The following RAB1A variants were observed in gnomAD, a reference collection of about 807,000 sequenced individuals.
The protein encoded by RAB1A is RAB1A, member RAS oncogene family, also known as ras-related protein Rab-1A.
Under a neutral mutation model 26.0 loss-of-function variants are expected in RAB1A, and 2 were observed. That is an observed-to-expected ratio of 0.08 (90% CI 0.03 to 0.24). RAB1A has a LOEUF of 0.24. RAB1A is among the 10% of genes least tolerant of loss of function. The pLI, the probability that RAB1A is intolerant of heterozygous loss-of-function variation, is 1.00. For missense variants in RAB1A, 100 were observed against 247.0 expected, an observed-to-expected ratio of 0.40 and a Z score of 3.99; for synonymous variants, 84 against 84.9, an observed-to-expected ratio of 0.99 and a Z score of 0.06.
intron 1 of RAB1A, among the ~76,000 whole-genome samples, chr2:65,110,884 T>C (rs1669679328): frequency 6.6e-6 from 1 of 151,890 alleles, no homozygotes; most frequent in Non-Finnish European, 1.5e-5. Flanking sequence ...TGCAGTGAGC[T>C]ATGAACTCAC....
intron 1 of RAB1A, 86 bp from the exon 2 acceptor site, chr2:65,104,892 A>C (rs1364839009): frequency 9.1e-7 from 1 of 1,096,856 alleles, no homozygotes; most frequent in South Asian, 1.2e-5. Context: ...AGCTACAAAT[A>C]ACAACTCACT....
At chr2:65,112,288 C>A (rs2103862684) in intron 1 of RAB1A, among the ~76,000 whole-genome samples, 1 of 151,636 alleles carries the variant, frequency 6.6e-6, no homozygotes, top group East Asian at 2.0e-4. Context: ...GCTGGGATTA[C>A]AGGTGTGTGC....
At chr2:65,098,312 T>G (rs772596994) in intron 2 of RAB1A, among the ~76,000 whole-genome samples, 5 of 152,174 alleles carry the variant, frequency 3.3e-5, no homozygotes, top group Admixed American at 6.5e-5. Context: ...TTCCTTAAGA[T>G]CTCTACAATA....
intron 1 of RAB1A, among the ~76,000 whole-genome samples, chr2:65,110,592 G>C (rs1304914353): frequency 6.6e-6 from 1 of 152,108 alleles, no homozygotes; most frequent in Non-Finnish European, 1.5e-5. Flanking sequence ...AATAACACAT[G>C]CTGAAGAAAT....
chr2:65,098,300 C>G (rs1015863359), intron 2 of RAB1A, among the ~76,000 whole-genome samples: 1 of 152,164 alleles, frequency 6.6e-6, no homozygotes, highest in Non-Finnish European at 1.5e-5. Flanking sequence ...ACTGTAGTTT[C>G]TTTCCTTAAG....
intron 3 of RAB1A, among the ~76,000 whole-genome samples, chr2:65,095,463 C>T (rs1394431442): frequency 6.6e-6 from 1 of 151,978 alleles, no homozygotes; most frequent in East Asian, 1.9e-4. Context: ...ATTCCTCCCA[C>T]CTCAGTCTCC....
At chr2:65,113,471 C>T (rs1669750608) in intron 1 of RAB1A, among the ~76,000 whole-genome samples, 1 of 152,114 alleles carries the variant, frequency 6.6e-6, no homozygotes. Context: ...AGAACCATTG[C>T]ACTCACTCTA....
chr2:65,108,844 T>C (rs1316172617), intron 1 of RAB1A, among the ~76,000 whole-genome samples: 2 of 152,208 alleles, frequency 1.3e-5, no homozygotes, highest in East Asian at 3.8e-4. Context: ...GAGTTTCTAA[T>C]AATTTAAGGC....
intron 1 of RAB1A, among the ~76,000 whole-genome samples, chr2:65,105,157 C>T (rs895492501): frequency 1.3e-5 from 2 of 152,158 alleles, no homozygotes; most frequent in Non-Finnish European, 2.9e-5. Flanking sequence ...TATTAGAATA[C>T]AGAAAGGTAA....
At chr2:65,114,864 CA>C (rs35748219) in intron 1 of RAB1A, among the ~76,000 whole-genome samples, 97,475 of 146,680 alleles carry the variant, frequency 0.66, 32,596 homozygotes, top group East Asian at 0.89. Context: ...AAAAAAAAAA[CA>C]AAAAAAAAAC....
intron 4 of RAB1A, among the ~76,000 whole-genome samples, chr2:65,089,702 A>AT (rs58993413): frequency 6.3e-4 from 89 of 141,990 alleles, no homozygotes; most frequent in African/African-American, 1.8e-3. Context: ...AATTTGATTA[A>AT]TTTTTTTTTT....
intron 1 of RAB1A, among the ~76,000 whole-genome samples, chr2:65,110,428 G>C (rs1185708853): frequency 8.2e-6 from 1 of 121,658 alleles, no homozygotes; most frequent in African/African-American, 2.9e-5. Flanking sequence ...GCAGCAGAGC[G>C]AGACCGTCTC....
intron 2 of RAB1A, among the ~76,000 whole-genome samples, chr2:65,100,651 T>G (rs1405208173): frequency 6.7e-6 from 1 of 148,518 alleles, no homozygotes; most frequent in African/African-American, 2.5e-5. Context: ...ACCTAGCTAG[T>G]CAGGAGACCA....
In RAB1A at chr2:65,088,380, C is replaced by T. The variant is rs898710762; in HGVS notation, c.*113G>A. 30 of 856,114 alleles carry T rather than the reference C, an allele frequency of 3.5e-5. No homozygotes were observed. Among genetic ancestry groups the T allele is most frequent in the Admixed American group, 6.4e-5 (2 of 31,142 alleles). 53.0% of individuals were successfully genotyped at this position (856,114 alleles called of 1,614,324 possible). ...TTACAATCTCTGACCTTTGTGGAGACGGTAAGAATCTGTTGTAGTGCAGCT... is the reference window on the plus strand; with the variant it reads ...TTACAATCTCTGACCTTTGTGGAGATGGTAAGAATCTGTTGTAGTGCAGCT... On this transcript the variant is annotated 3_prime_UTR_variant, in exon 6 of 6. Transcript: ENST00000409784.
At chr2:65,099,930 T>C (rs1202052349) in intron 2 of RAB1A, among the ~76,000 whole-genome samples, 2 of 152,052 alleles carry the variant, frequency 1.3e-5, no homozygotes, top group East Asian at 1.9e-4. Context: ...ATCTAGAATA[T>C]TGGACAATCT....
chr2:65,103,513 G>A lies in RAB1A; in HGVS notation c.96+1221C>T, dbSNP rs533236692. Among the ~76,000 whole-genome samples, 4 of 152,204 alleles carry A rather than the reference G, an allele frequency of 2.6e-5. No homozygotes were observed. The East Asian group carries it at 5.8e-4, about 22-fold the overall frequency. On this transcript the variant is annotated intron_variant, in intron 2 of 5. Transcript: ENST00000409784. Reference sequence around the variant, plus strand: ...CCATGAGTACAATTTGGAGCTTAGCGCTGCCTTGATGTGTACCAAGCCAGC... The same window carrying A: ...CCATGAGTACAATTTGGAGCTTAGCACTGCCTTGATGTGTACCAAGCCAGC...
At chr2:65,108,372 GA>G (rs1161614271) in intron 1 of RAB1A, among the ~76,000 whole-genome samples, 1 of 147,076 alleles carries the variant, frequency 6.8e-6, no homozygotes, top group Non-Finnish European at 1.5e-5. Context: ...AAAAAAAAAA[GA>G]AAGAAAGAAA....
At chr2:65,110,053 G>A (rs955025119) in intron 1 of RAB1A, among the ~76,000 whole-genome samples, 6 of 152,152 alleles carry the variant, frequency 3.9e-5, no homozygotes, top group African/African-American at 1.4e-4. Context: ...CTTTCGTTGT[G>A]AGATACAGCT....
chr2:65,091,508 T>G (rs1431425618), intron 3 of RAB1A, among the ~76,000 whole-genome samples: 1 of 152,070 alleles, frequency 6.6e-6, no homozygotes, highest in Admixed American at 6.6e-5. Context: ...AAGACAGAAC[T>G]TTAATCATCC....
Sources: gnomAD v4.1 joint callset for allele counts (sites outside exome capture counted in the v4.1 genomes callset) on GRCh38, gnomAD v4.1.1 for gene constraint, MANE v1.5 for transcripts, NCBI Gene and HGNC (gene_info 2026-07-23, HGNC 2026-07-21) for gene names.